The following ADAMTS19 variants were observed in gnomAD, a reference collection of about 807,000 sequenced individuals.
ADAMTS19 encodes the protein ADAM metallopeptidase with thrombospondin type 1 motif 19.
In ADAMTS19, 93 loss-of-function variants were observed where a neutral mutation model predicts 153.3. That is an observed-to-expected ratio of 0.61 (90% CI 0.51 to 0.72). The LOEUF (loss-of-function observed/expected upper bound fraction) is 0.72. ADAMTS19 is among the 30% of genes least tolerant of loss of function. ADAMTS19 has a pLI of 0.00. For missense variants in ADAMTS19, 1,482 were observed against 1,552.1 expected (o/e 0.95, Z 0.76); for synonymous variants, 600 against 556.6 (o/e 1.08, Z -1.10).
intron 2 of ADAMTS19, among the ~76,000 whole-genome samples, chr5:129,492,200 C>A (rs1237272127): frequency 6.6e-6 from 1 of 151,930 alleles, no homozygotes. Context: ...GGAGGTGCCA[C>A]ACACTTTTAA....
In ADAMTS19 at chr5:129,705,337, G is replaced by A. The variant is rs183936347; in HGVS notation, c.3312+946G>A. On this transcript the variant is annotated intron_variant, in intron 21 of 22. Transcript: ENST00000274487. ...ATAAATAACCCTAAAGGGCTTTCTG[G>A]GAGAAATATTTTCAATATAGAAAAT... 4.9e-3 allele frequency among the ~76,000 whole-genome samples: 738 copies of A among 152,136 alleles called. 5 individuals are homozygous for A. Among genetic ancestry groups the A allele is most frequent in the African/African-American group, 0.017 (703 of 41,532 alleles).
intron 7 of ADAMTS19, among the ~76,000 whole-genome samples, chr5:129,573,864 AATATTAAAAT>A (rs1290937665): frequency 6.6e-6 from 1 of 152,098 alleles, no homozygotes; most frequent in Non-Finnish European, 1.5e-5. Context: ...ATAATATATG[AATATTAAAAT>A]ATGTTGATTA....
At chr5:129,730,929 TTTTG>T (rs869213901) in intron 21 of ADAMTS19, among the ~76,000 whole-genome samples, 1 of 16,520 alleles carries the variant, frequency 6.1e-5, no homozygotes, top group Non-Finnish European at 1.3e-4. Context: ...GTTGTTGTTT[TTTTG>T]TTTTGTTTTG....
chr5:129,549,372 A>G (rs1752983802), intron 6 of ADAMTS19, among the ~76,000 whole-genome samples: 1 of 151,656 alleles, frequency 6.6e-6, no homozygotes. Flanking sequence ...TGGATGTTGA[A>G]AACAAAATGA....
intron 2 of ADAMTS19, among the ~76,000 whole-genome samples, chr5:129,470,648 G>C (rs2126649825): frequency 6.6e-6 from 1 of 152,276 alleles, no homozygotes; most frequent in South Asian, 2.1e-4. Context: ...GTGTTGGGAA[G>C]TACCTTAGGG....
intron 7 of ADAMTS19, among the ~76,000 whole-genome samples, chr5:129,594,045 C>A (rs1443997616): frequency 6.6e-6 from 1 of 152,082 alleles, no homozygotes; most frequent in Non-Finnish European, 1.5e-5. Context: ...TCTATGAATA[C>A]CTTCAGCAAA....
intron 8 of ADAMTS19, among the ~76,000 whole-genome samples, chr5:129,613,985 G>T (rs1751370179): frequency 6.6e-6 from 1 of 152,074 alleles, no homozygotes; most frequent in Admixed American, 6.6e-5. Flanking sequence ...GACTAAACCA[G>T]GAAGAAGTTG....
chr5:129,461,058 C>T lies in ADAMTS19; in HGVS notation c.92-44C>T. ...CTTGGAAATGTTTGTGCTACTGGAACCGCGGCACTTTAAGCCCCGCACTTC... is the reference window on the plus strand; with the variant it reads ...CTTGGAAATGTTTGTGCTACTGGAATCGCGGCACTTTAAGCCCCGCACTTC... On this transcript the variant is annotated intron_variant, in intron 1 of 22. Transcript: ENST00000274487. This position sits in a 1 kb window ranked among gnomAD's most constrained non-coding sequence, Gnocchi z 4.6. 2 of 1,323,296 alleles carry T rather than the reference C, an allele frequency of 1.5e-6. No individual in the cohort carries two copies. Among genetic ancestry groups the T allele is most frequent in the Non-Finnish European group, 1.9e-6 (2 of 1,041,838 alleles). The allele number at this position is 1,323,296 out of a possible 1,614,324, so 82.0% of individuals were successfully genotyped here.
chr5:129,713,422 G>C (rs1044308618), intron 21 of ADAMTS19, among the ~76,000 whole-genome samples: 1 of 152,104 alleles, frequency 6.6e-6, no homozygotes, highest in Non-Finnish European at 1.5e-5. Context: ...GTATACAAAT[G>C]ATCAGCCAAT....
intron 7 of ADAMTS19, among the ~76,000 whole-genome samples, chr5:129,555,936 T>C (rs1293901232): frequency 1.3e-5 from 2 of 152,158 alleles, no homozygotes; most frequent in African/African-American, 4.8e-5. Context: ...TTTAAAACAA[T>C]AGAATATTGT....
chr5:129,607,348 G>C (rs1750951668), intron 8 of ADAMTS19, among the ~76,000 whole-genome samples: 1 of 152,156 alleles, frequency 6.6e-6, no homozygotes, highest in African/African-American at 2.4e-5. Flanking sequence ...CAATCTCTGT[G>C]AAAATATGAT....
At chr5:129,607,670 T>A (rs1750971256) in intron 8 of ADAMTS19, among the ~76,000 whole-genome samples, 1 of 152,218 alleles carries the variant, frequency 6.6e-6, no homozygotes, top group African/African-American at 2.4e-5. Flanking sequence ...ATAAACTGTA[T>A]GAAAATACAA....
chr5:129,687,251 T>C (rs1167778923), intron 18 of ADAMTS19, among the ~76,000 whole-genome samples: 1 of 152,130 alleles, frequency 6.6e-6, no homozygotes, highest in Non-Finnish European at 1.5e-5. Context: ...AGGAGTAAAG[T>C]GATGGACAGA....
At chr5:129,491,826 G>T (rs1750780064) in intron 2 of ADAMTS19, among the ~76,000 whole-genome samples, 1 of 152,050 alleles carries the variant, frequency 6.6e-6, no homozygotes, top group African/African-American at 2.4e-5. Flanking sequence ...AAATTACAGA[G>T]TGATACATAG....
rs1289750604 is a variant in ADAMTS19 at position 129,604,557 on chromosome 5, A to G, written c.1478+7893A>G. Among the ~76,000 whole-genome samples the G allele has an allele frequency of 3.9e-5, 6 of 152,184 alleles. No individual in the cohort carries two copies. In the East Asian group the frequency reaches 7.7e-4, roughly 20 times the overall value. ...TATAATGGGATTCTTAATGCATTTGACAGTGCATAAGAAATATATACCAAG... is the reference window on the plus strand; with the variant it reads ...TATAATGGGATTCTTAATGCATTTGGCAGTGCATAAGAAATATATACCAAG... On this transcript the variant is annotated intron_variant, in intron 8 of 22. Coordinates refer to ENST00000274487, the MANE Select transcript of ADAMTS19 (RefSeq NM_133638.6).
intron 7 of ADAMTS19, among the ~76,000 whole-genome samples, chr5:129,570,323 TTTAGA>T (rs139388806): frequency 0.086 from 13,026 of 151,886 alleles, 624 homozygotes; most frequent in Middle Eastern, 0.15. Flanking sequence ...AGTTTGACAG[TTTAGA>T]TTAAATGGAC....
chr5:129,506,160 C>G (rs903206702), intron 2 of ADAMTS19, among the ~76,000 whole-genome samples: 12 of 149,124 alleles, frequency 8.0e-5, no homozygotes, highest in African/African-American at 3.0e-4. Context: ...CACAGAAAAC[C>G]TCAAGATTTC....
rs1169262738 is a variant in ADAMTS19, at chr5:129,461,461, C to A, written c.451C>A (p.Pro151Thr). 11 of 1,458,214 alleles carry A rather than the reference C, an allele frequency of 7.5e-6. No homozygotes were observed. The highest frequency in any genetic ancestry group is 1.4e-5 in the South Asian group (1 of 73,118). 90.3% of individuals were successfully genotyped at this position (1,458,214 alleles called of 1,614,324 possible). The change falls in exon 2 of 23, where the codon CCC becomes ACC. Residue 151 changes from proline to threonine, a missense_variant. Physicochemically the swap from Pro to Thr is conservative, Grantham distance 38. This residue lies in a region of ADAMTS19 where 866 missense variants were observed against 827.7 expected (regional missense o/e 1.05). Coordinates refer to ENST00000274487, the MANE Select transcript of ADAMTS19 (RefSeq NM_133638.6). The surrounding 1 kb of genome is among the most constrained non-coding windows in gnomAD (Gnocchi z 4.6). ...CCCGGCCTCGTGGCAGCCGCCGCCT[C>A]CCCCGCAGCCGCCCCCGTCCCCGCC... ...GAPASWQPPP[P>T]PQPPPSPPPA...
intron 6 of ADAMTS19, among the ~76,000 whole-genome samples, chr5:129,544,816 C>A (rs1287955263): frequency 3.3e-5 from 5 of 152,152 alleles, no homozygotes; most frequent in Non-Finnish European, 7.3e-5. Context: ...GGTAAAAGTT[C>A]TGCCAGCAAG....
Sources: allele counts gnomAD v4.1 joint callset (sites outside exome capture counted in the v4.1 genomes callset), GRCh38; gene constraint gnomAD v4.1.1; regional missense constraint gnomAD v4.1.1; non-coding constraint Gnocchi (gnomAD v3.1); transcripts MANE v1.5; gene names NCBI Gene and HGNC (gene_info 2026-07-23, HGNC 2026-07-21).